EIF2B3: variants seen among roughly 807,000 people sequenced by gnomAD.
EIF2B3 encodes the protein translation initiation factor eIF2B subunit gamma.
Under a neutral mutation model 54.1 loss-of-function variants are expected in EIF2B3, and 20 were observed. That is an observed-to-expected ratio of 0.37 (90% CI 0.26 to 0.54). EIF2B3 has a LOEUF of 0.54. Ranked by LOEUF, EIF2B3 falls within the 20% of genes least tolerant of loss-of-function variation. The pLI is 0.86. For missense variants in EIF2B3, 448 were observed against 547.8 expected (o/e 0.82, Z 1.82); for synonymous variants, 153 against 188.1 (o/e 0.81, Z 1.52).
chr1:44,969,179 T>C (rs750182549), intron 3 of EIF2B3, among the ~76,000 whole-genome samples: 1 of 152,146 alleles, frequency 6.6e-6, no homozygotes, highest in African/African-American at 2.4e-5. Flanking sequence ...CACCACTGCC[T>C]TGCCAAAAAT....
intron 5 of EIF2B3, among the ~76,000 whole-genome samples, chr1:44,907,507 A>C (rs1236755342): frequency 6.6e-6 from 1 of 152,162 alleles, no homozygotes; most frequent in Non-Finnish European, 1.5e-5. Context: ...GCAGTGAGCC[A>C]AGATCGTGCC....
intron 6 of EIF2B3, among the ~76,000 whole-genome samples, chr1:44,895,873 T>G (rs1296651189): frequency 6.6e-6 from 1 of 152,246 alleles, no homozygotes; most frequent in Admixed American, 6.5e-5. Context: ...CTAACACAGT[T>G]GTGTTCTCTT....
intron 10 of EIF2B3, among the ~76,000 whole-genome samples, chr1:44,860,124 A>G (rs978951133): frequency 6.6e-6 from 1 of 151,302 alleles, no homozygotes. Context: ...GATTACAGGC[A>G]TGACCACCGC....
At chr1:44,929,691 T>A (rs888658789) in intron 4 of EIF2B3, among the ~76,000 whole-genome samples, 1 of 152,214 alleles carries the variant, frequency 6.6e-6, no homozygotes, top group Non-Finnish European at 1.5e-5. Flanking sequence ...GAGATGTTAT[T>A]TTTGGATATA....
chr1:44,919,792 C>T (rs1643700089), intron 5 of EIF2B3, among the ~76,000 whole-genome samples: 1 of 149,770 alleles, frequency 6.7e-6, no homozygotes, highest in South Asian at 2.1e-4. Flanking sequence ...TCTCGGCTCA[C>T]CGCAATCTCC....
chr1:44,855,992 G>A (rs1315822836), intron 11 of EIF2B3, among the ~76,000 whole-genome samples: 3 of 152,102 alleles, frequency 2.0e-5, no homozygotes, highest in Admixed American at 2.0e-4. Flanking sequence ...GGAGTCATGG[G>A]AAGAGGCAGA....
intron 3 of EIF2B3, among the ~76,000 whole-genome samples, chr1:44,961,983 G>A (rs1345775016): frequency 1.3e-5 from 2 of 152,112 alleles, no homozygotes; most frequent in Non-Finnish European, 1.5e-5. Flanking sequence ...CTTGAGGTCA[G>A]GAGTTCAAGA....
At chr1:44,871,594 T>C (rs1654967459) in intron 10 of EIF2B3, among the ~76,000 whole-genome samples, 1 of 152,222 alleles carries the variant, frequency 6.6e-6, no homozygotes, top group South Asian at 2.1e-4. Flanking sequence ...CAAATATTTA[T>C]TGAGTTCCTG....
At chr1:44,958,347 T>C (rs1355631020) in intron 3 of EIF2B3, among the ~76,000 whole-genome samples, 1 of 152,232 alleles carries the variant, frequency 6.6e-6, no homozygotes, top group Admixed American at 6.5e-5. Context: ...AGGTAATTGA[T>C]AGATCCTGTG....
chr1:44,877,712 G>A (rs540155216), intron 8 of EIF2B3, among the ~76,000 whole-genome samples: 9 of 152,294 alleles, frequency 5.9e-5, no homozygotes, highest in African/African-American at 2.2e-4. Flanking sequence ...TTAGAGGTAT[G>A]GGGGGCTTTG....
intron 4 of EIF2B3, among the ~76,000 whole-genome samples, chr1:44,934,703 C>T (rs930098659): frequency 6.6e-6 from 1 of 152,042 alleles, no homozygotes; most frequent in African/African-American, 2.4e-5. Flanking sequence ...CAGGGTTTCA[C>T]CATGTTGGCC....
At chr1:44,984,217 C>T (rs72677810) in intron 1 of EIF2B3, among the ~76,000 whole-genome samples, 23,334 of 151,568 alleles carry the variant, frequency 0.15, 1,899 homozygotes, top group Non-Finnish European at 0.17. Flanking sequence ...GCCAAAAGAG[C>T]GCCAGGCACA....
chr1:44,939,461 TA>T (rs1643996700), intron 4 of EIF2B3, among the ~76,000 whole-genome samples: 1 of 152,232 alleles, frequency 6.6e-6, no homozygotes, highest in Non-Finnish European at 1.5e-5. Flanking sequence ...AATTATGTTG[TA>T]AATATAGTTA....
intron 3 of EIF2B3, among the ~76,000 whole-genome samples, chr1:44,967,973 G>A (rs1644362405): frequency 6.6e-6 from 1 of 152,118 alleles, no homozygotes; most frequent in Non-Finnish European, 1.5e-5. Flanking sequence ...GGGAGGTGGA[G>A]GTTGCAGTGA....
Position 44,941,509 on chromosome 1 carries a change from C to A in EIF2B3, c.451G>T (p.Ala151Ser). The change falls in exon 4 of 12, where the codon GCA (alanine) becomes TCA (serine). Residue 151 changes from alanine to serine, a missense_variant. By Grantham distance (99) the Ala-to-Ser change is moderately conservative (BLOSUM62 1). Coordinates refer to ENST00000360403, the MANE Select transcript of EIF2B3 (RefSeq NM_020365.5). ...AACAAACTCCAATCTTCCTTACCTG[C>A]TTTTTTTTTCCCCTTTTGACCGGGA... ...PVPGQKGKKK[A>S]VEQRDFIGVD... The A allele has an allele frequency of 6.3e-7, 1 of 1,592,216 alleles. No individual in the cohort carries two copies. The highest frequency in any genetic ancestry group is 1.7e-5 in the Admixed American group (1 of 57,216).
At chr1:44,927,089 G>A (rs1439432978) in intron 4 of EIF2B3, among the ~76,000 whole-genome samples, 1 of 151,644 alleles carries the variant, frequency 6.6e-6, no homozygotes, top group South Asian at 2.1e-4. Context: ...AGCTGAGATC[G>A]TGCCACTGTA....
chr1:44,872,170 C>T (rs1387357344), intron 10 of EIF2B3, among the ~76,000 whole-genome samples: 1 of 152,190 alleles, frequency 6.6e-6, no homozygotes, highest in East Asian at 1.9e-4. Flanking sequence ...GTAGCTGAGA[C>T]TACTGATGTA....
chr1:44,922,358 G>T (rs182619474), intron 5 of EIF2B3, among the ~76,000 whole-genome samples: 1,554 of 151,408 alleles, frequency 0.01, 28 homozygotes, highest in African/African-American at 0.036. Context: ...AGGCCGAGGC[G>T]GGAGGGTCAC....
chr1:44,983,648 G>A lies in EIF2B3; in HGVS notation c.-9-2471C>T, dbSNP rs1159239348. 5.9e-5 allele frequency among the ~76,000 whole-genome samples: 9 copies of A among 152,256 alleles called. No individual in the cohort carries two copies. The South Asian group carries it at 1.9e-3, about 32-fold the overall frequency. On this transcript the variant is annotated intron_variant, in intron 1 of 11. Transcript: ENST00000360403. ...GCACTTTGGGAGGCCCAGGCGGGCG[G>A]ATCACCTGAGGTCAGGAGTTCAAGA...
Sources: gnomAD v4.1 joint callset for allele counts (sites outside exome capture counted in the v4.1 genomes callset) on GRCh38, gnomAD v4.1.1 for gene constraint, MANE v1.5 for transcripts, NCBI Gene and HGNC (gene_info 2026-07-23, HGNC 2026-07-21) for gene names.